Variants in ZNF680 observed in about 807,000 individuals in gnomAD.
The protein encoded by ZNF680 is hypothetical protein FLJ90430.
A neutral mutation model predicts 12.1 loss-of-function variants in ZNF680; 6 were observed. The ratio of observed to expected loss-of-function variants is 0.49; its 90% confidence interval spans 0.27 to 0.98. The LOEUF (loss-of-function observed/expected upper bound fraction) is 0.98. Among genes scored for constraint, ZNF680 ranks in the 50% least tolerant of loss-of-function variants. ZNF680 has a pLI of 0.12. For synonymous variants in ZNF680, 170 were observed against 199.3 expected (o/e 0.85, Z 1.24); for missense variants, 561 against 616.3 (o/e 0.91, Z 0.95).
intron 3 of ZNF680, 102 bp downstream of exon 3, chr7:64,543,605 G>T: frequency 9.9e-7 from 1 of 1,006,016 alleles, no homozygotes; most frequent in South Asian, 1.5e-5. Flanking sequence ...TATTTTCTCT[G>T]GAACATAGCT....
chr7:64,552,820 T>C (rs1415322734), intron 1 of ZNF680, among the ~76,000 whole-genome samples: 3 of 152,130 alleles, frequency 2.0e-5, no homozygotes, highest in Admixed American at 6.6e-5. Flanking sequence ...TTGTAGAAAA[T>C]ACTCTTTAAT....
chr7:64,508,140 T>TATATATATACATACATATACATAC, the ZNF680 span, among the ~76,000 whole-genome samples: 6 of 134,824 alleles, frequency 4.5e-5, no homozygotes, highest in African/African-American at 1.8e-4. Flanking sequence ...TATATATATA[T>TATATATATACATACATATACATAC]ATACATAATT....
chr7:64,523,553 A>G (rs1791659728), intron 3 of ZNF680, among the ~76,000 whole-genome samples: 1 of 152,184 alleles, frequency 6.6e-6, no homozygotes, highest in African/African-American at 2.4e-5. Flanking sequence ...ATATATACAT[A>G]TGTAAAATAT....
chr7:64,541,653 A>G (rs1279121585), intron 3 of ZNF680, among the ~76,000 whole-genome samples: 2 of 151,070 alleles, frequency 1.3e-5, no homozygotes, highest in Non-Finnish European at 3.0e-5. Flanking sequence ...AGGTGGAAAA[A>G]TACAGGACCC....
At chr7:64,539,794 C>A (rs1220494332) in intron 3 of ZNF680, among the ~76,000 whole-genome samples, 1 of 152,116 alleles carries the variant, frequency 6.6e-6, no homozygotes, top group Non-Finnish European at 1.5e-5. Flanking sequence ...ACCACAAGTG[C>A]ACACCACCAT....
chr7:64,511,638 A>T, the ZNF680 span, among the ~76,000 whole-genome samples: 1 of 9,868 alleles, frequency 1.0e-4, no homozygotes, highest in Middle Eastern at 0.026. Context: ...CACTTTCTTT[A>T]AAAAAAACCC....
At chr7:64,513,228 AT>A in the ZNF680 span, among the ~76,000 whole-genome samples, 1 of 151,688 alleles carries the variant, frequency 6.6e-6, no homozygotes, top group Non-Finnish European at 1.5e-5. Flanking sequence ...ACTAAAAAAA[AT>A]TTACATGCAA....
At chr7:64,561,727 G>T (rs1787745980) in intron 1 of ZNF680, among the ~76,000 whole-genome samples, 1 of 151,888 alleles carries the variant, frequency 6.6e-6, no homozygotes, top group Non-Finnish European at 1.5e-5. Context: ...GAGGTCAGGA[G>T]ATCAAGACCA....
chr7:64,551,094 A>T (rs977726386), intron 1 of ZNF680, among the ~76,000 whole-genome samples: 2 of 152,144 alleles, frequency 1.3e-5, no homozygotes, highest in African/African-American at 4.8e-5. Flanking sequence ...AACTTACAGC[A>T]CCATGTCATG....
chr7:64,509,807 TA>T, the ZNF680 span, among the ~76,000 whole-genome samples: 1 of 152,042 alleles, frequency 6.6e-6, no homozygotes, highest in Non-Finnish European at 1.5e-5. Flanking sequence ...TTGCAGCACC[TA>T]TCATGGTAGC....
intron 3 of ZNF680, among the ~76,000 whole-genome samples, chr7:64,537,872 G>A (rs1182832477): frequency 1.3e-5 from 2 of 152,092 alleles, no homozygotes; most frequent in Admixed American, 1.3e-4. Context: ...AGAGCTTGCA[G>A]TGAGCTGAGA....
At chr7:64,526,855 T>C (rs1791879733) in intron 3 of ZNF680, among the ~76,000 whole-genome samples, 3 of 152,248 alleles carry the variant, frequency 2.0e-5, no homozygotes. Context: ...ATGTTTTATG[T>C]AATCTCCACT....
At chr7:64,557,124 A>AC (rs1437822459) in intron 1 of ZNF680, among the ~76,000 whole-genome samples, 1 of 151,612 alleles carries the variant, frequency 6.6e-6, no homozygotes, top group Non-Finnish European at 1.5e-5. Context: ...AGTGGCAGTC[A>AC]CCTGTAGTCC....
chr7:64,499,528 C>T, the ZNF680 span, among the ~76,000 whole-genome samples: 4 of 152,146 alleles, frequency 2.6e-5, no homozygotes, highest in African/African-American at 7.2e-5. Flanking sequence ...GAGGCCGAAG[C>T]GGGCAGATCA....
intron 1 of ZNF680, among the ~76,000 whole-genome samples, chr7:64,561,630 A>G (rs1398162377): frequency 6.6e-6 from 1 of 152,168 alleles, no homozygotes; most frequent in Non-Finnish European, 1.5e-5. Flanking sequence ...TAATTAAAAT[A>G]TAGTATCAAA....
intron 3 of ZNF680, among the ~76,000 whole-genome samples, chr7:64,534,368 T>G (rs1314523034): frequency 2.0e-5 from 3 of 152,058 alleles, no homozygotes; most frequent in African/African-American, 4.8e-5. Flanking sequence ...AATAAACATT[T>G]CTCAAAAGAA....
chr7:64,520,956 A>G lies in ZNF680; in HGVS notation c.*205T>C, dbSNP rs1791495560. The stretch of plus-strand genomic sequence containing the variant: ...TTTTCACATTCTTTATACTTGTACA[A>G]TCTTTCTCAAGTAAAAATGCTTTCC... On this transcript the variant is annotated 3_prime_UTR_variant, in exon 4 of 4. Coordinates refer to ENST00000309683, the MANE Select transcript of ZNF680 (RefSeq NM_178558.5). 2.2e-5 allele frequency: 12 copies of G among 533,980 alleles called. No individual in the cohort carries two copies. The South Asian group carries it at 2.8e-4, about 13-fold the overall frequency. 33.1% of individuals were successfully genotyped at this position (533,980 alleles called of 1,614,324 possible). A position where few individuals can be genotyped will look rare whatever the true frequency, so the allele number is the denominator to read the frequency against.
At chr7:64,526,497 C>A in intron 3 of ZNF680, 1 of 925,770 alleles carries the variant, frequency 1.1e-6, no homozygotes, top group Admixed American at 2.3e-5. Context: ...TCAAGATCAG[C>A]CTGAGCAACA....
chr7:64,512,210 G>A, the ZNF680 span, among the ~76,000 whole-genome samples: 13 of 152,162 alleles, frequency 8.5e-5, no homozygotes, highest in African/African-American at 3.1e-4. Context: ...AGCACTTTGG[G>A]AGGTCAAGGC....
Sources: gnomAD v4.1 joint callset for allele counts (sites outside exome capture counted in the v4.1 genomes callset) on GRCh38, gnomAD v4.1.1 for gene constraint, MANE v1.5 for transcripts, NCBI Gene and HGNC (gene_info 2026-07-23, HGNC 2026-07-21) for gene names.